PTPRT: variants seen among roughly 807,000 people sequenced by gnomAD.
PTPRT encodes the protein receptor-type tyrosine-protein phosphatase T.
PTPRT carries 56 observed loss-of-function variants against 176.8 expected under a neutral mutation model. The ratio of observed to expected loss-of-function variants is 0.32; its 90% CI spans 0.26 to 0.40. PTPRT has a LOEUF of 0.40. Ranked by LOEUF, PTPRT falls within the 10% of genes least tolerant of loss-of-function variation. PTPRT has a pLI of 1.00. For synonymous variants in PTPRT, 783 were observed against 739.0 expected (o/e 1.06, Z -0.96); for missense variants, 1,540 against 1,908.2 (o/e 0.81, Z 3.60).
At chr20:43,172,814 T>C (rs1349793858) in intron 1 of PTPRT, among the ~76,000 whole-genome samples, 1 of 151,974 alleles carries the variant, frequency 6.6e-6, no homozygotes, top group Non-Finnish European at 1.5e-5. Context: ...ACATACAGCT[T>C]ATAAATTAGC....
chr20:42,147,982 G>C (rs1017925733), intron 17 of PTPRT, among the ~76,000 whole-genome samples: 4 of 152,178 alleles, frequency 2.6e-5, no homozygotes, highest in Non-Finnish European at 5.9e-5. Context: ...GTATGAAAGA[G>C]AGACTCATTT....
At chr20:43,070,734 C>A (rs2011168685) in intron 1 of PTPRT, among the ~76,000 whole-genome samples, 2 of 152,016 alleles carry the variant, frequency 1.3e-5, no homozygotes, top group African/African-American at 2.4e-5. Flanking sequence ...GATAAAAAAC[C>A]AAACACTGCA....
At chr20:42,156,674 C>T (rs1031803912) in intron 17 of PTPRT, among the ~76,000 whole-genome samples, 3 of 152,230 alleles carry the variant, frequency 2.0e-5, no homozygotes, top group African/African-American at 7.2e-5. Context: ...CTCCATCCTA[C>T]CAGTGGCACA....
chr20:42,762,501 G>A (rs144229428), intron 5 of PTPRT, among the ~76,000 whole-genome samples: 273 of 152,314 alleles, frequency 1.8e-3, no homozygotes, highest in African/African-American at 6.1e-3. Context: ...ACCATGTCCT[G>A]AGGATGAGCA....
intron 1 of PTPRT, among the ~76,000 whole-genome samples, chr20:43,157,441 C>G (rs1159668715): frequency 1.3e-5 from 2 of 152,054 alleles, no homozygotes; most frequent in Non-Finnish European, 2.9e-5. Flanking sequence ...CAGACAATTA[C>G]GAGAAATATA....
intron 6 of PTPRT, among the ~76,000 whole-genome samples, chr20:42,702,813 C>T (rs1240144626): frequency 6.6e-6 from 1 of 152,208 alleles, no homozygotes; most frequent in Non-Finnish European, 1.5e-5. Context: ...CTTCTTGATT[C>T]AAAGGCTCTA....
rs76653594 is a variant in PTPRT, at chr20:42,371,992, C to T, written c.1561-19707G>A. Among the ~76,000 whole-genome samples the T allele has an allele frequency of 4.2e-4, 64 of 152,270 alleles. 2 individuals carry two copies. In the East Asian group the frequency reaches 0.012, roughly 29 times the overall value. On this transcript the variant is annotated intron_variant, in intron 9 of 30. Transcript: ENST00000373187. ...CAGCAGTTTTAGCAAGACTTCTCTA[C>T]TCCTAGGATGTTTATGCAGCTAGTC...
rs980457981 is a variant in PTPRT, at chr20:42,176,366, C to T, written c.2492-14824G>A. On this transcript the variant is annotated intron_variant, in intron 16 of 30. Coordinates refer to ENST00000373187, the MANE Select transcript of PTPRT (RefSeq NM_007050.6). ...TGATAAGCCACATTTACTCAAAATG[C>T]ATATCTTCTCCTGATGGGCTTCTGG... Among the ~76,000 whole-genome samples, 9 of 152,122 alleles carry T rather than the reference C, an allele frequency of 5.9e-5. 1 individual carries two copies. The highest frequency in any genetic ancestry group is 1.7e-4 in the African/African-American group (7 of 41,416).
At chr20:43,083,347 T>TATATATATATACATAC (rs1555828977) in intron 1 of PTPRT, among the ~76,000 whole-genome samples, 1 of 97,786 alleles carries the variant, frequency 1.0e-5, no homozygotes, top group Non-Finnish European at 2.1e-5. Context: ...TATATATATA[T>TATATATATATACATAC]ATATATATAT....
intron 6 of PTPRT, among the ~76,000 whole-genome samples, chr20:42,680,920 G>A (rs1347583175): frequency 2.0e-5 from 3 of 152,082 alleles, no homozygotes; most frequent in Admixed American, 6.6e-5. Context: ...TTAGCCTCAC[G>A]GTTATCTCTC....
At chr20:42,760,037 G>A (rs1302489035) in intron 5 of PTPRT, among the ~76,000 whole-genome samples, 3 of 152,242 alleles carry the variant, frequency 2.0e-5, no homozygotes, top group Non-Finnish European at 4.4e-5. Flanking sequence ...GAGTCATGGA[G>A]CATGAAGTGT....
At chr20:42,851,568 T>C (rs2078471321) in intron 2 of PTPRT, among the ~76,000 whole-genome samples, 1 of 152,180 alleles carries the variant, frequency 6.6e-6, no homozygotes, top group Admixed American at 6.5e-5. Context: ...CCATAGAGAA[T>C]AAGATGTTTC....
chr20:42,981,619 G>A (rs1983277505), intron 1 of PTPRT, among the ~76,000 whole-genome samples: 1 of 152,198 alleles, frequency 6.6e-6, no homozygotes, highest in South Asian at 2.1e-4. Context: ...TGCTCCAGAG[G>A]GCAGCCTGCT....
chr20:42,637,289 A>C (rs2074624200), intron 7 of PTPRT, among the ~76,000 whole-genome samples: 1 of 152,162 alleles, frequency 6.6e-6, no homozygotes, highest in African/African-American at 2.4e-5. Flanking sequence ...CACTGGGCTA[A>C]AAATCCAAAG....
intron 2 of PTPRT, among the ~76,000 whole-genome samples, chr20:42,810,844 C>A (rs1049404124): frequency 6.6e-6 from 1 of 152,198 alleles, no homozygotes; most frequent in Middle Eastern, 3.2e-3. Flanking sequence ...CCCCTTTGCC[C>A]GTCCAACCCG....
At chr20:42,043,462 C>G in the PTPRT span, among the ~76,000 whole-genome samples, 4 of 152,162 alleles carry the variant, frequency 2.6e-5, no homozygotes, top group Non-Finnish European at 4.4e-5. Context: ...AAAAATAAAG[C>G]ATATTACTTC....
the PTPRT span, among the ~76,000 whole-genome samples, chr20:42,034,409 G>T: frequency 6.6e-6 from 1 of 152,052 alleles, no homozygotes; most frequent in African/African-American, 2.4e-5. Context: ...GAGGAAAGAG[G>T]GAGAAGGGGA....
intron 1 of PTPRT, among the ~76,000 whole-genome samples, chr20:43,128,522 A>G (rs2013532988): frequency 6.6e-6 from 1 of 152,222 alleles, no homozygotes; most frequent in Non-Finnish European, 1.5e-5. Flanking sequence ...GGGGCCCCAA[A>G]ATAGTCAGGT....
chr20:42,776,149 T>G (rs1335873052), intron 4 of PTPRT, among the ~76,000 whole-genome samples: 1 of 152,142 alleles, frequency 6.6e-6, no homozygotes, highest in East Asian at 1.9e-4. Context: ...ATCCAATTTA[T>G]CAAATGAGAC....
Sources: allele counts gnomAD v4.1 joint callset (sites outside exome capture counted in the v4.1 genomes callset), GRCh38; gene constraint gnomAD v4.1.1; transcripts MANE v1.5; gene names NCBI Gene and HGNC (gene_info 2026-07-23, HGNC 2026-07-21).